ZDHHC14: variants seen among roughly 807,000 people sequenced by gnomAD.
ZDHHC14 encodes zDHHC palmitoyltransferase 14.
ZDHHC14 carries 16 observed loss-of-function variants against 47.7 expected under a neutral mutation model. The observed-to-expected ratio is 0.34, with a 90% CI of 0.23 to 0.51. ZDHHC14 has a LOEUF of 0.51. Ranked by LOEUF, ZDHHC14 falls within the 20% of genes least tolerant of loss-of-function variation. The probability of loss-of-function intolerance (pLI) is 0.97; values close to 1 mark genes in which losing one functional copy is unlikely to be tolerated. For missense variants in ZDHHC14, 515 were observed against 662.5 expected (o/e 0.78, Z 2.44); for synonymous variants, 293 against 278.9 (o/e 1.05, Z -0.50).
intron 2 of ZDHHC14, among the ~76,000 whole-genome samples, chr6:157,569,783 C>T (rs983906873): frequency 6.6e-6 from 1 of 151,888 alleles, no homozygotes; most frequent in Non-Finnish European, 1.5e-5. Context: ...ACGGAAGCTA[C>T]CTACCATTTT....
chr6:157,523,922 A>C (rs1781059636), intron 1 of ZDHHC14, among the ~76,000 whole-genome samples: 1 of 151,582 alleles, frequency 6.6e-6, no homozygotes, highest in Non-Finnish European at 1.5e-5. Context: ...ACTCACTGGT[A>C]AATGTTTCTC....
intron 1 of ZDHHC14, among the ~76,000 whole-genome samples, chr6:157,517,798 G>A (rs140890790): frequency 0.032 from 4,846 of 152,330 alleles, 243 homozygotes; most frequent in African/African-American, 0.11. Context: ...GCATTTCAGG[G>A]ACAGTGCTGG....
intron 5 of ZDHHC14, among the ~76,000 whole-genome samples, chr6:157,633,653 G>A (rs1289782146): frequency 1.3e-5 from 2 of 152,018 alleles, no homozygotes; most frequent in African/African-American, 4.8e-5. Flanking sequence ...AGTAATTTCC[G>A]TCTTGAGGAA....
intron 1 of ZDHHC14, among the ~76,000 whole-genome samples, chr6:157,489,018 G>A (rs951218834): frequency 2.6e-5 from 4 of 152,222 alleles, no homozygotes; most frequent in African/African-American, 4.8e-5. Flanking sequence ...ATGCTGTGCG[G>A]TTTGTTTACT....
Position 157,542,785 on chromosome 6 carries a change from C to T in ZDHHC14, c.406+40C>T, listed in dbSNP as rs147399969. 414 of 1,599,848 alleles carry T rather than the reference C, an allele frequency of 2.6e-4. 5 individuals carry two copies. The East Asian group carries it at 8.7e-3, about 34-fold the overall frequency. On this transcript the variant is annotated intron_variant, in intron 2 of 8. Transcript: ENST00000359775. ...CTGCCCATGGCCTCTGGTCACTTCC[C>T]GCCTGGGCCCAGCTACAGTGGGGAC...
At chr6:157,461,256 G>T (rs1779080786) in intron 1 of ZDHHC14, among the ~76,000 whole-genome samples, 1 of 152,196 alleles carries the variant, frequency 6.6e-6, no homozygotes, top group African/African-American at 2.4e-5. Flanking sequence ...GGTGAGAAGG[G>T]GTCGGCATGG....
chr6:157,629,398 G>GT (rs1306563096), intron 4 of ZDHHC14: 2 of 152,126 alleles, frequency 1.3e-5, no homozygotes, highest in African/African-American at 2.4e-5. Context: ...GAATGTTTCC[G>GT]TAAGTATCTG....
chr6:157,567,300 G>A (rs1225590482), intron 2 of ZDHHC14, among the ~76,000 whole-genome samples: 7 of 152,100 alleles, frequency 4.6e-5, no homozygotes, highest in East Asian at 1.9e-4. Flanking sequence ...CAATGATTCC[G>A]GGAGCCCCAT....
chr6:157,504,616 G>A (rs1456644941), intron 1 of ZDHHC14, among the ~76,000 whole-genome samples: 1 of 150,824 alleles, frequency 6.6e-6, no homozygotes, highest in Non-Finnish European at 1.5e-5. Flanking sequence ...TCACCACGTT[G>A]GCCAAGCTGG....
At chr6:157,519,867 A>C (rs1780854334) in intron 1 of ZDHHC14, among the ~76,000 whole-genome samples, 1 of 152,248 alleles carries the variant, frequency 6.6e-6, no homozygotes, top group South Asian at 2.1e-4. Flanking sequence ...CAAGGAAGTC[A>C]AAGGGTCCTG....
intron 1 of ZDHHC14, among the ~76,000 whole-genome samples, chr6:157,468,009 A>G (rs1401202707): frequency 6.6e-6 from 1 of 152,240 alleles, no homozygotes; most frequent in African/African-American, 2.4e-5. Flanking sequence ...CACTTTAGGC[A>G]TAAGAGAAAA....
chr6:157,650,359 T>G (rs1777766584), intron 7 of ZDHHC14, among the ~76,000 whole-genome samples: 2 of 147,950 alleles, frequency 1.4e-5, no homozygotes, highest in African/African-American at 2.5e-5. Context: ...ATGTCAGGAG[T>G]GGGGGGCGAA....
intron 2 of ZDHHC14, among the ~76,000 whole-genome samples, chr6:157,592,024 C>A (rs1015628214): frequency 6.6e-6 from 1 of 152,064 alleles, no homozygotes; most frequent in African/African-American, 2.4e-5. Flanking sequence ...CTAACTTCTT[C>A]TTGGCAAGGC....
intron 1 of ZDHHC14, among the ~76,000 whole-genome samples, chr6:157,462,372 C>G (rs935147515): frequency 5.3e-5 from 8 of 152,184 alleles, no homozygotes; most frequent in East Asian, 1.9e-4. Flanking sequence ...CCTTGTGGAT[C>G]CTTCAAGGAT....
At chr6:157,602,327 T>G (rs1784367355) in intron 3 of ZDHHC14, among the ~76,000 whole-genome samples, 1 of 151,406 alleles carries the variant, frequency 6.6e-6, no homozygotes, top group Non-Finnish European at 1.5e-5. Flanking sequence ...GCCAACATGG[T>G]GAAACCCCGT....
chr6:157,436,790 G>A (rs1047110370), intron 1 of ZDHHC14, among the ~76,000 whole-genome samples: 4 of 152,130 alleles, frequency 2.6e-5, no homozygotes, highest in South Asian at 4.1e-4. Flanking sequence ...TTCAGTTTGG[G>A]TCATGTTGGC....
At chr6:157,473,845 A>T (rs967111912) in intron 1 of ZDHHC14, among the ~76,000 whole-genome samples, 1 of 152,144 alleles carries the variant, frequency 6.6e-6, no homozygotes, top group African/African-American at 2.4e-5. Flanking sequence ...AATGAATTTC[A>T]TGTTTAGACT....
intron 5 of ZDHHC14, among the ~76,000 whole-genome samples, chr6:157,639,621 A>T (rs901004288): frequency 1.3e-5 from 2 of 152,190 alleles, no homozygotes; most frequent in Non-Finnish European, 2.9e-5. Context: ...ATCTTGCATC[A>T]GGGGACACAA....
intron 1 of ZDHHC14, among the ~76,000 whole-genome samples, chr6:157,435,818 G>T (rs1778429938): frequency 6.6e-6 from 1 of 152,190 alleles, no homozygotes; most frequent in South Asian, 2.1e-4. Flanking sequence ...GGGATTACAG[G>T]TATGAGCCAT....
Sources: gnomAD v4.1 joint callset for allele counts (sites outside exome capture counted in the v4.1 genomes callset) on GRCh38, gnomAD v4.1.1 for gene constraint, MANE v1.5 for transcripts, NCBI Gene and HGNC (gene_info 2026-07-23, HGNC 2026-07-21) for gene names.